GRK4: variants seen among roughly 807,000 people sequenced by gnomAD.
GRK4 encodes the protein G protein-coupled receptor kinase 2-like.
Under a neutral mutation model 77.9 loss-of-function variants are expected in GRK4, and 73 were observed. That is an observed-to-expected ratio of 0.94 (90% CI 0.78 to 1.14). The LOEUF is 1.14. Among genes scored for constraint, GRK4 ranks in the 50% most tolerant of loss-of-function variants. The pLI is 0.00. For synonymous variants in GRK4, 257 were observed against 254.4 expected (o/e 1.01, Z -0.10); for missense variants, 729 against 700.2 (o/e 1.04, Z -0.46).
At chr4:3,023,030 C>G (rs1736515945) in intron 10 of GRK4, among the ~76,000 whole-genome samples, 1 of 152,138 alleles carries the variant, frequency 6.6e-6, no homozygotes, top group Admixed American at 6.6e-5. Context: ...AACGTTTTCT[C>G]CCTCTTGTTT....
At chr4:3,031,974 T>C (rs1739299586) in intron 12 of GRK4, among the ~76,000 whole-genome samples, 2 of 152,052 alleles carry the variant, frequency 1.3e-5, no homozygotes, top group South Asian at 4.2e-4. Flanking sequence ...TATGAAGCCA[T>C]GGGTGCTACA....
intron 13 of GRK4, among the ~76,000 whole-genome samples, 190 bp downstream of exon 13, chr4:3,035,713 G>A (rs996458932): frequency 5.3e-5 from 8 of 151,912 alleles, no homozygotes; most frequent in Non-Finnish European, 1.2e-4. Context: ...GTGAGCCACT[G>A]TGCCCGGCTG....
chr4:2,969,014 A>G (rs971168727), intron 1 of GRK4, among the ~76,000 whole-genome samples: 3 of 151,990 alleles, frequency 2.0e-5, no homozygotes, highest in Non-Finnish European at 4.4e-5. Context: ...GGGAGAAGTA[A>G]GGGAAGGGCT....
In GRK4 at chr4:3,009,800, C is replaced by T. The variant is rs1400309506; in HGVS notation, c.600+89C>T. 18 of 882,848 alleles carry T rather than the reference C, an allele frequency of 2.0e-5. No individual in the cohort carries two copies. In the South Asian group the frequency reaches 2.4e-4, roughly 12 times the overall value. 54.7% of individuals were successfully genotyped at this position (882,848 alleles called of 1,614,324 possible). A position where few individuals can be genotyped will look rare whatever the true frequency, so the allele number is the denominator to read the frequency against. On this transcript the variant is annotated intron_variant, in intron 7 of 15. Coordinates refer to ENST00000398052, the MANE Select transcript of GRK4 (RefSeq NM_182982.3). ...CATGGCTTCAGGTAATGCATCAGCT[C>T]TCCCAGTACACTGTTGCCTTAGTGG...
At chr4:3,013,248 C>T (rs114333124) in intron 7 of GRK4, among the ~76,000 whole-genome samples, 9,529 of 151,834 alleles carry the variant, frequency 0.063, 309 homozygotes, top group East Asian at 0.087. Flanking sequence ...GACGGGGTGT[C>T]GCCATGTTGG....
At chr4:3,003,120 C>G (rs552043105) in intron 4 of GRK4, among the ~76,000 whole-genome samples, 1 of 152,286 alleles carries the variant, frequency 6.6e-6, no homozygotes, top group Admixed American at 6.5e-5. Flanking sequence ...TACTTTATGT[C>G]TCTATGAATT....
chr4:2,987,158 T>C (rs1482368428), intron 2 of GRK4: 5 of 517,902 alleles, frequency 9.7e-6, no homozygotes, highest in Non-Finnish European at 1.9e-5. Context: ...ACAAATCCAC[T>C]TTCTGTCTAT....
At chr4:2,976,224 T>G (rs1383749202) in intron 1 of GRK4, among the ~76,000 whole-genome samples, 1 of 152,070 alleles carries the variant, frequency 6.6e-6, no homozygotes, top group African/African-American at 2.4e-5. Context: ...CCTCCTTCCC[T>G]TCTTCCTTGT....
chr4:3,024,522 G>A lies in GRK4; in HGVS notation c.970+2071G>A, dbSNP rs189051485. 1.8e-3 allele frequency among the ~76,000 whole-genome samples: 272 copies of A among 152,248 alleles called. 1 individual carries two copies. The highest frequency in any genetic ancestry group is 6.4e-3 in the African/African-American group (265 of 41,528). ...GCGATCCGCCTTGCCTCAGCCTCCT[G>A]AGTAGCTGGGAATACAGGCATGAGC... On this transcript the variant is annotated intron_variant, in intron 10 of 15. Transcript: ENST00000398052.
intron 3 of GRK4, 59 bp from the exon 4 acceptor site, chr4:2,992,156 G>C: frequency 1.6e-6 from 2 of 1,220,470 alleles, no homozygotes; most frequent in Non-Finnish European, 2.4e-6. Context: ...TGGAACTACA[G>C]GTATGCACCA....
chr4:3,016,532 CAAAAA>C (rs527985170), intron 8 of GRK4, among the ~76,000 whole-genome samples: 1 of 77,248 alleles, frequency 1.3e-5, no homozygotes, highest in Admixed American at 1.4e-4. Context: ...ACTCAATCTC[CAAAAA>C]AAAAAAAAAA....
chr4:2,973,348 A>G (rs1257051813), intron 1 of GRK4, among the ~76,000 whole-genome samples: 5 of 151,940 alleles, frequency 3.3e-5, no homozygotes. Context: ...ATCCACACTC[A>G]TTCCCTTGTG....
At chr4:2,999,546 C>G (rs1728930105) in intron 4 of GRK4, among the ~76,000 whole-genome samples, 1 of 152,162 alleles carries the variant, frequency 6.6e-6, no homozygotes, top group Non-Finnish European at 1.5e-5. Context: ...ATAGTCTTTT[C>G]AATAGATGGT....
At chr4:3,013,163 C>A (rs1378174649) in intron 7 of GRK4, among the ~76,000 whole-genome samples, 2 of 151,770 alleles carry the variant, frequency 1.3e-5, no homozygotes, top group African/African-American at 4.8e-5. Flanking sequence ...CCTGCCTCAG[C>A]CTCTGGAGTA....
At chr4:3,026,100 T>A (rs569495400) in intron 10 of GRK4, among the ~76,000 whole-genome samples, 4 of 152,352 alleles carry the variant, frequency 2.6e-5, no homozygotes, top group African/African-American at 7.2e-5. Context: ...CTTGGGCACA[T>A]GTAATTTCCT....
rs749707867 is a variant in GRK4, at chr4:2,988,802, C to A, written c.224C>A (p.Pro75His). 1.2e-6 allele frequency: 2 copies of A among 1,612,420 alleles called. No individual in the cohort carries two copies. The highest frequency in any genetic ancestry group is 1.7e-6 in the Non-Finnish European group (2 of 1,178,572). The change falls in exon 3 of 16, where the codon CCC becomes CAC. Residue 75 changes from proline to histidine, a missense_variant. Pro to His is a moderately conservative substitution (Grantham distance 77, BLOSUM62 -2). Transcript: ENST00000398052. ...TTCAGGCAGTTCTGTGATACCAAAC[C>A]CACTCTAAAGAGGCACATTGAATTC... ...RLFRQFCDTK[P>H]TLKRHIEFLD...
chr4:3,001,105 G>A lies in GRK4; in HGVS notation c.340-3126G>A, dbSNP rs548417705. Among the ~76,000 whole-genome samples, 113 of 128,056 alleles carry A rather than the reference G, an allele frequency of 8.8e-4. 2 individuals are homozygous for A. Among genetic ancestry groups the A allele is most frequent in the Middle Eastern group, 4.0e-3 (1 of 250 alleles). 84.0% of individuals were successfully genotyped at this position (128,056 alleles called of 152,430 possible). On this transcript the variant is annotated intron_variant, in intron 4 of 15. Transcript: ENST00000398052. ...TATATATATATGTGTGTGTGTGTGT[G>A]TATATATATGTATATATGTGTATGT...
At chr4:3,011,870 G>C (rs1733016421) in intron 7 of GRK4, among the ~76,000 whole-genome samples, 3 of 152,206 alleles carry the variant, frequency 2.0e-5, no homozygotes, top group African/African-American at 7.2e-5. Context: ...TAAAGGAATT[G>C]AGTAGACATC....
intron 5 of GRK4, among the ~76,000 whole-genome samples, chr4:3,005,796 A>T (rs1403151297): frequency 2.6e-5 from 4 of 151,918 alleles, no homozygotes; most frequent in African/African-American, 9.7e-5. Context: ...ACACAGCGAG[A>T]CTCTGTCTCA....
Sources: gnomAD v4.1 joint callset for allele counts (sites outside exome capture counted in the v4.1 genomes callset) on GRCh38, gnomAD v4.1.1 for gene constraint, MANE v1.5 for transcripts, NCBI Gene and HGNC (gene_info 2026-07-23, HGNC 2026-07-21) for gene names.